Variants in AGAP1 observed in about 807,000 individuals in gnomAD.
AGAP1 encodes ArfGAP with GTPase domain, ankyrin repeat and PH domain 1.
Under a neutral mutation model 105.3 loss-of-function variants are expected in AGAP1, and 29 were observed. The observed-to-expected ratio is 0.28, with a 90% CI of 0.21 to 0.38. The LOEUF is 0.38. Among genes scored for constraint, AGAP1 ranks in the 10% least tolerant of loss-of-function variants. The pLI is 1.00. For missense variants in AGAP1, 998 were observed against 1,165.1 expected (o/e 0.86, Z 2.09); for synonymous variants, 509 against 485.9 (o/e 1.05, Z -0.63).
intron 1 of AGAP1, among the ~76,000 whole-genome samples, chr2:235,564,290 G>A (rs1374239514): frequency 1.3e-5 from 2 of 152,178 alleles, no homozygotes; most frequent in Non-Finnish European, 2.9e-5. Flanking sequence ...CTTTGGAGCA[G>A]TCAGACTCTC....
chr2:236,053,939 C>G lies in AGAP1; in HGVS notation c.2114+4658C>G, dbSNP rs776184787. On this transcript the variant is annotated intron_variant, in intron 16 of 17. Coordinates refer to ENST00000304032, the MANE Select transcript of AGAP1 (RefSeq NM_001037131.3). The surrounding 1 kb of genome is among the most constrained non-coding windows in gnomAD (Gnocchi z 4.6). ...TAGCATCCTTTTTCTTTTTCTTCCCCCCATTATTTGTAAGTTCACCTCTGT... is the reference window on the plus strand; with the variant it reads ...TAGCATCCTTTTTCTTTTTCTTCCCGCCATTATTTGTAAGTTCACCTCTGT... Among the ~76,000 whole-genome samples, 16 of 152,256 alleles carry G rather than the reference C, an allele frequency of 1.1e-4. No homozygotes were observed. Among genetic ancestry groups the G allele is most frequent in the Non-Finnish European group, 2.1e-4 (14 of 68,034 alleles).
At chr2:235,592,708 CGCAT>C (rs1945390015) in intron 1 of AGAP1, among the ~76,000 whole-genome samples, 2 of 152,184 alleles carry the variant, frequency 1.3e-5, no homozygotes, top group East Asian at 3.9e-4. Context: ...GAGATATGGG[CGCAT>C]CTTAGTTATG....
rs139209740 is a variant in AGAP1 at position 236,044,191 on chromosome 2, G to T, written c.1891+3350G>T. Among the ~76,000 whole-genome samples the T allele has an allele frequency of 3.2e-4, 48 of 152,288 alleles. No individual in the cohort carries two copies. In the Middle Eastern group the frequency reaches 0.01, roughly 32 times the overall value. ...GCCTTCGGACACCTGTGCTTCCGGG[G>T]AGTACTGCTCTGAAGCTACCTGTTC... On this transcript the variant is annotated intron_variant, in intron 15 of 17. Coordinates refer to ENST00000304032, the MANE Select transcript of AGAP1 (RefSeq NM_001037131.3). The surrounding 1 kb of genome is among the most constrained non-coding windows in gnomAD (Gnocchi z 5.7).
rs149333897 is a variant in AGAP1 at position 235,613,872 on chromosome 2, G to A, written c.164-95307G>A. 4.6e-5 allele frequency among the ~76,000 whole-genome samples: 7 copies of A among 152,328 alleles called. No homozygotes were observed. In the East Asian group the frequency reaches 7.7e-4, roughly 17 times the overall value. On this transcript the variant is annotated intron_variant, in intron 1 of 17. Coordinates refer to ENST00000304032, the MANE Select transcript of AGAP1 (RefSeq NM_001037131.3). ...TAACAGTGAATTAGCATATAGTGGCGCCGTGTGGCCCGCAGGGTGGCCTTG... is the reference window on the plus strand; with the variant it reads ...TAACAGTGAATTAGCATATAGTGGCACCGTGTGGCCCGCAGGGTGGCCTTG...
chr2:235,688,936 G>A (rs959618974), intron 1 of AGAP1, among the ~76,000 whole-genome samples: 2 of 152,212 alleles, frequency 1.3e-5, no homozygotes, highest in African/African-American at 4.8e-5. Context: ...AGCAGCAGCA[G>A]CCGCACCCGT....
At chr2:235,634,287 C>G (rs1177325634) in intron 1 of AGAP1, among the ~76,000 whole-genome samples, 1 of 152,200 alleles carries the variant, frequency 6.6e-6, no homozygotes, top group South Asian at 2.1e-4. Flanking sequence ...TCTCTGTGTA[C>G]CTGTGTATTT....
chr2:236,042,879 C>T lies in AGAP1; in HGVS notation c.1891+2038C>T, dbSNP rs1051605659. Among the ~76,000 whole-genome samples the T allele has an allele frequency of 2.0e-5, 3 of 152,202 alleles. No homozygotes were observed. Among genetic ancestry groups the T allele is most frequent in the Non-Finnish European group, 4.4e-5 (3 of 68,040 alleles). On this transcript the variant is annotated intron_variant, in intron 15 of 17. Coordinates refer to ENST00000304032, the MANE Select transcript of AGAP1 (RefSeq NM_001037131.3). This position sits in a 1 kb window ranked among gnomAD's most constrained non-coding sequence, Gnocchi z 5.6. ...GCTAAATGTGTGGTCTGTGTCAGCCCGGTGCCAAACCCTCCCATGCGCTGT... is the reference window on the plus strand; with the variant it reads ...GCTAAATGTGTGGTCTGTGTCAGCCTGGTGCCAAACCCTCCCATGCGCTGT...
At position 235,701,744 on chromosome 2, in the gene AGAP1, C is replaced by T. The variant is rs906967890; in HGVS notation, c.164-7435C>T. 1.3e-5 allele frequency among the ~76,000 whole-genome samples: 2 copies of T among 152,164 alleles called. No individual in the cohort carries two copies. The highest frequency in any genetic ancestry group is 2.9e-5 in the Non-Finnish European group (2 of 68,040). On this transcript the variant is annotated intron_variant, in intron 1 of 17. Coordinates refer to ENST00000304032, the MANE Select transcript of AGAP1 (RefSeq NM_001037131.3). This position sits in a 1 kb window ranked among gnomAD's most constrained non-coding sequence, Gnocchi z 4.1. ...TGTCTGATCCAGTTTGCAGCGGGCT[C>T]TTTTCCGGCTGCGTTGAAATGGATT... is the stretch of plus-strand genomic sequence containing the variant.
intron 1 of AGAP1, among the ~76,000 whole-genome samples, chr2:235,534,723 A>G (rs547147509): frequency 3.9e-5 from 6 of 152,290 alleles, no homozygotes; most frequent in Non-Finnish European, 8.8e-5. Context: ...ATTCAGGGAC[A>G]CGGGGATAGT....
rs1383678145 is a variant in AGAP1, at chr2:235,701,501, A to T, written c.164-7678A>T. 1.3e-5 allele frequency among the ~76,000 whole-genome samples: 2 copies of T among 152,174 alleles called. No homozygotes were observed. Among genetic ancestry groups the T allele is most frequent in the African/African-American group, 4.8e-5 (2 of 41,422 alleles). ...TGCTGTCCGGACATGTCAGGATGGG[A>T]AACTGTCTTGTCTGTGGATCTTTGA... On this transcript the variant is annotated intron_variant, in intron 1 of 17. Transcript: ENST00000304032. The surrounding 1 kb of genome is among the most constrained non-coding windows in gnomAD (Gnocchi z 4.1).
Position 235,994,838 on chromosome 2 carries a change from G to A in AGAP1, c.1645+26215G>A, listed in dbSNP as rs868798749. On this transcript the variant is annotated intron_variant, in intron 13 of 17. Transcript: ENST00000304032. This position sits in a 1 kb window ranked among gnomAD's most constrained non-coding sequence, Gnocchi z 4.4. ...TCCTAGCACTTTGGGAGGCCGAGGC[G>A]GGCGGATCACGAGGTCAGGAGTTTG... Among the ~76,000 whole-genome samples, 3 of 150,854 alleles carry A rather than the reference G, an allele frequency of 2.0e-5. No homozygotes were observed. Among genetic ancestry groups the A allele is most frequent in the Non-Finnish European group, 3.0e-5 (2 of 67,734 alleles).
intron 1 of AGAP1, among the ~76,000 whole-genome samples, chr2:235,641,971 T>G (rs1001715090): frequency 2.0e-5 from 3 of 152,256 alleles, no homozygotes; most frequent in Non-Finnish European, 4.4e-5. Context: ...ATTCCCATTT[T>G]GTGAGCATTT....
chr2:235,699,074 C>G (rs960466506), intron 1 of AGAP1, among the ~76,000 whole-genome samples: 26 of 151,386 alleles, frequency 1.7e-4, no homozygotes, highest in Admixed American at 1.0e-3. Context: ...AGACATCCCC[C>G]CCCCCCACCC....
intron 8 of AGAP1, 109 bp from the exon 9 acceptor site, chr2:235,807,130 C>A: frequency 1.9e-6 from 2 of 1,053,428 alleles, no homozygotes; most frequent in Non-Finnish European, 2.8e-6. Flanking sequence ...ACACATAGAT[C>A]GCGCATGTTT....
chr2:235,543,764 G>A (rs962693893), intron 1 of AGAP1, among the ~76,000 whole-genome samples: 5 of 152,232 alleles, frequency 3.3e-5, no homozygotes, highest in African/African-American at 1.2e-4. Flanking sequence ...TGTAGGAACA[G>A]CACGAGAGCT....
rs1261298442 is a variant in AGAP1, at chr2:235,744,335, C to G, written c.397-363C>G. Reference sequence around the variant, plus strand: ...AGCCTTAGGGCTTGAGGGGCTCTGGCAGGAGGTGGGTCTGGCCTTCTGTCT... The same window carrying G: ...AGCCTTAGGGCTTGAGGGGCTCTGGGAGGAGGTGGGTCTGGCCTTCTGTCT... On this transcript the variant is annotated intron_variant, in intron 4 of 17. Transcript: ENST00000304032. This position sits in a 1 kb window ranked among gnomAD's most constrained non-coding sequence, Gnocchi z 5.2. 6.6e-6 allele frequency among the ~76,000 whole-genome samples: 1 copy of G among 152,154 alleles called. No individual in the cohort carries two copies.
chr2:236,095,731 T>A lies in AGAP1; in HGVS notation c.2115-24461T>A, dbSNP rs1202276172. On this transcript the variant is annotated intron_variant, in intron 16 of 17. Transcript: ENST00000304032. The surrounding 1 kb of genome is among the most constrained non-coding windows in gnomAD (Gnocchi z 4.1). ...ATGTAAAATTGTGGGAAAAAACTTT[T>A]AAAAATTTTGACATATGAAGAAGTA... Among the ~76,000 whole-genome samples the A allele has an allele frequency of 6.6e-6, 1 of 152,210 alleles. No homozygotes were observed. The highest frequency in any genetic ancestry group is 1.5e-5 in the Non-Finnish European group (1 of 68,046).
Position 236,114,279 on chromosome 2 carries a change from G to T in AGAP1, c.2115-5913G>T, listed in dbSNP as rs2059718114. Among the ~76,000 whole-genome samples, 1 of 152,170 alleles carries T rather than the reference G, an allele frequency of 6.6e-6. No individual in the cohort carries two copies. Among genetic ancestry groups the T allele is most frequent in the African/African-American group, 2.4e-5 (1 of 41,446 alleles). On this transcript the variant is annotated intron_variant, in intron 16 of 17. Transcript: ENST00000304032. The surrounding 1 kb of genome is among the most constrained non-coding windows in gnomAD (Gnocchi z 5.0). ...CAGGGATCCCAGAAGTAGAATTGCG[G>T]CCTCCGAGTGACCATTTGAGTCTGT...
rs1421904310 is a variant in AGAP1, at chr2:235,586,251, G to A, written c.163+91402G>A. ...CCATACGGGCATGTTATCCAGAAGA[G>A]AGGAGAGAGAAGCCCGCTGCACTCT... On this transcript the variant is annotated intron_variant, in intron 1 of 17. Coordinates refer to ENST00000304032, the MANE Select transcript of AGAP1 (RefSeq NM_001037131.3). The surrounding 1 kb of genome is among the most constrained non-coding windows in gnomAD (Gnocchi z 4.2). Among the ~76,000 whole-genome samples, 1 of 152,206 alleles carries A rather than the reference G, an allele frequency of 6.6e-6. No individual in the cohort carries two copies. The highest frequency in any genetic ancestry group is 6.5e-5 in the Admixed American group (1 of 15,284).
Sources: gnomAD v4.1 joint callset for allele counts (sites outside exome capture counted in the v4.1 genomes callset) on GRCh38, gnomAD v4.1.1 for gene constraint, Gnocchi (gnomAD v3.1) non-coding constraint, MANE v1.5 for transcripts, NCBI Gene and HGNC (gene_info 2026-07-23, HGNC 2026-07-21) for gene names.